SASH1: variants seen among roughly 807,000 people sequenced by gnomAD.
The protein encoded by SASH1 is SAM and SH3 domain-containing protein 1.
A neutral mutation model predicts 125.2 loss-of-function variants in SASH1; 44 were observed. That is an observed-to-expected ratio of 0.35 (90% CI 0.28 to 0.45). The LOEUF (loss-of-function observed/expected upper bound fraction) is 0.45, where lower values mean the gene tolerates loss of function less well. SASH1 is among the 20% of genes least tolerant of loss of function. The probability of loss-of-function intolerance (pLI) is 1.00; values close to 1 mark genes in which losing one functional copy is unlikely to be tolerated. For missense variants in SASH1, 1,426 were observed against 1,614.5 expected (o/e 0.88, Z 2.00); for synonymous variants, 639 against 649.1 (o/e 0.98, Z 0.24).
intron 2 of SASH1, among the ~76,000 whole-genome samples, chr6:148,395,585 T>C (rs978045332): frequency 3.3e-5 from 5 of 152,216 alleles, no homozygotes; most frequent in South Asian, 2.1e-4. Flanking sequence ...TTTATAACTA[T>C]GGTGAGAGTT....
Position 148,544,549 on chromosome 6 carries a change from G to GCCAGCCCCA in SASH1, c.3087_3095dup (p.Thr1030_Pro1032dup), listed in dbSNP as rs1562503689. On this transcript the variant is annotated inframe_insertion, in exon 18 of 20. Transcript: ENST00000367467. The surrounding 1 kb of genome is among the most constrained non-coding windows in gnomAD (Gnocchi z 6.4). ...CCTGCCAGTGAAAAGGGGCAGCCCC[G>GCCAGCCCCA]CCAGCCCCACCAGCCCTAGCGACTG... The GCCAGCCCCA allele has an allele frequency of 1.2e-6, 2 of 1,612,886 alleles. No individual in the cohort carries two copies. Among genetic ancestry groups the GCCAGCCCCA allele is most frequent in the East Asian group, 4.5e-5 (2 of 44,866 alleles).
At chr6:148,350,840 AT>A (rs1238567239) in intron 1 of SASH1, among the ~76,000 whole-genome samples, 1 of 152,246 alleles carries the variant, frequency 6.6e-6, no homozygotes, top group Non-Finnish European at 1.5e-5. Flanking sequence ...GATAAAATGT[AT>A]TTTTTGAGTA....
rs1554254949 is a variant in SASH1 at position 148,421,146 on chromosome 6, G to GAAGGAAGGAAGGAAGGAAGGAAGAA, written c.286-19035_286-19034insGAAGGAAGGAAGGAAGGAAGAAAAG. On this transcript the variant is annotated intron_variant, in intron 2 of 19. Transcript: ENST00000367467. ...GGAAGAAAGGAAGGAAGGAAGGAAG[G>GAAGGAAGGAAGGAAGGAAGGAAGAA]AAGAAAGAAAGAAAGAAAGAAAGAA... Among the ~76,000 whole-genome samples the GAAGGAAGGAAGGAAGGAAGGAAGAA allele has an allele frequency of 7.1e-3, 507 of 71,246 alleles. 9 individuals carry two copies. Among genetic ancestry groups the GAAGGAAGGAAGGAAGGAAGGAAGAA allele is most frequent in the Middle Eastern group, 0.013 (2 of 150 alleles). The allele number at this position is 71,246 out of a possible 152,430, so 46.7% of individuals were successfully genotyped here.
intron 1 of SASH1, among the ~76,000 whole-genome samples, chr6:148,272,638 T>C (rs925627788): frequency 4.6e-5 from 7 of 152,160 alleles, no homozygotes; most frequent in African/African-American, 7.2e-5. Flanking sequence ...ATTATGTAGA[T>C]ATTTATTTTC....
chr6:148,463,235 C>T (rs941588358), intron 4 of SASH1, among the ~76,000 whole-genome samples: 5 of 151,958 alleles, frequency 3.3e-5, no homozygotes, highest in African/African-American at 4.8e-5. Flanking sequence ...ACCTCCACCT[C>T]CTGGGTTCAA....
In SASH1 at chr6:148,519,425, T is replaced by C. The variant is rs2115349732; in HGVS notation, c.863-122T>C. ...GTGTATTTTCATTTTTCTGTACATATGTAAGTGGGAGCTGGGTTTATAAAG... is the reference window on the plus strand; with the variant it reads ...GTGTATTTTCATTTTTCTGTACATACGTAAGTGGGAGCTGGGTTTATAAAG... On this transcript the variant is annotated intron_variant, in intron 9 of 19. Transcript: ENST00000367467. This position sits in a 1 kb window ranked among gnomAD's most constrained non-coding sequence, Gnocchi z 4.8. 1.5e-6 allele frequency: 1 copy of C among 677,146 alleles called. No individual in the cohort carries two copies. The highest frequency in any genetic ancestry group is 2.8e-5 in the Admixed American group (1 of 35,172). 41.9% of individuals were successfully genotyped at this position (677,146 alleles called of 1,614,324 possible).
the SASH1 span, among the ~76,000 whole-genome samples, chr6:148,199,772 AGAAAG>A: frequency 6.6e-6 from 1 of 151,116 alleles, no homozygotes; most frequent in African/African-American, 2.4e-5. Context: ...AGGAAGAAAA[AGAAAG>A]GAAGGAAGGA....
chr6:148,486,264 G>A (rs1049665301), intron 7 of SASH1, among the ~76,000 whole-genome samples: 29 of 152,112 alleles, frequency 1.9e-4, no homozygotes, highest in African/African-American at 6.0e-4. Context: ...GGGATTACAG[G>A]CATGTGCCAC....
chr6:148,420,872 G>A (rs779414687), intron 2 of SASH1, among the ~76,000 whole-genome samples: 1 of 151,966 alleles, frequency 6.6e-6, no homozygotes, highest in African/African-American at 2.4e-5. Context: ...TTTGAGGTCA[G>A]GAGTTCGAGA....
chr6:148,251,753 T>C, the SASH1 span, among the ~76,000 whole-genome samples: 749 of 151,994 alleles, frequency 4.9e-3, 33 homozygotes, highest in East Asian at 0.12. Context: ...TACATATGTA[T>C]ACATGTGCCA....
intron 9 of SASH1, among the ~76,000 whole-genome samples, 157 bp downstream of exon 9, chr6:148,514,613 G>A (rs1374913166): frequency 6.6e-6 from 1 of 152,158 alleles, no homozygotes; most frequent in Non-Finnish European, 1.5e-5. Flanking sequence ...ATGCCTGCCA[G>A]CAGAGTGATG....
At chr6:148,367,232 T>G (rs1782504432) in intron 1 of SASH1, among the ~76,000 whole-genome samples, 1 of 152,162 alleles carries the variant, frequency 6.6e-6, no homozygotes, top group African/African-American at 2.4e-5. Context: ...CCACAGTGTA[T>G]CTTTTTGTTA....
intron 17 of SASH1, among the ~76,000 whole-genome samples, chr6:148,540,844 A>G (rs1203846433): frequency 6.6e-6 from 1 of 152,116 alleles, no homozygotes; most frequent in Non-Finnish European, 1.5e-5. Context: ...GTTGGGAGCT[A>G]TTAGGTCCAT....
chr6:148,286,083 C>A (rs908902682), intron 1 of SASH1, among the ~76,000 whole-genome samples: 3 of 152,070 alleles, frequency 2.0e-5, no homozygotes, highest in Non-Finnish European at 4.4e-5. Flanking sequence ...ACATGCACAT[C>A]CACATAAAAT....
At chr6:148,496,219 A>C (rs1779305756) in intron 8 of SASH1, among the ~76,000 whole-genome samples, 1 of 152,182 alleles carries the variant, frequency 6.6e-6, no homozygotes, top group South Asian at 2.1e-4. Flanking sequence ...AATGGTGTTT[A>C]CTTTTTTTTC....
At chr6:148,361,610 A>G (rs1283320130) in intron 1 of SASH1, among the ~76,000 whole-genome samples, 2 of 152,076 alleles carry the variant, frequency 1.3e-5, no homozygotes, top group East Asian at 3.9e-4. Flanking sequence ...CAAAAAAAAA[A>G]AGGAAAGGGA....
chr6:148,219,806 G>A, the SASH1 span, among the ~76,000 whole-genome samples: 30 of 152,294 alleles, frequency 2.0e-4, no homozygotes, highest in African/African-American at 6.7e-4. Context: ...TAGACTTGCA[G>A]GCCTGGGTGT....
rs1004362754 is a variant in SASH1 at position 148,519,026 on chromosome 6, G to T, written c.863-521G>T. ...CATTTGCAAGATACAACGCTTTATA[G>T]TGTTTCTCCCCACCAAAACTTCCTT... is the stretch of plus-strand genomic sequence containing the variant. On this transcript the variant is annotated intron_variant, in intron 9 of 19. Coordinates refer to ENST00000367467, the MANE Select transcript of SASH1 (RefSeq NM_015278.5). The surrounding 1 kb of genome is among the most constrained non-coding windows in gnomAD (Gnocchi z 4.8). Among the ~76,000 whole-genome samples, 1 of 152,188 alleles carries T rather than the reference G, an allele frequency of 6.6e-6. No homozygotes were observed. The highest frequency in any genetic ancestry group is 1.9e-4 in the East Asian group (1 of 5,202).
chr6:148,521,044 A>G (rs1343231259), intron 10 of SASH1, among the ~76,000 whole-genome samples: 2 of 152,188 alleles, frequency 1.3e-5, no homozygotes, highest in Non-Finnish European at 2.9e-5. Context: ...GGAATAAAGT[A>G]CTCACTTTCA....
Sources: gnomAD v4.1 joint callset for allele counts (sites outside exome capture counted in the v4.1 genomes callset) on GRCh38, gnomAD v4.1.1 for gene constraint, Gnocchi (gnomAD v3.1) non-coding constraint, MANE v1.5 for transcripts, NCBI Gene and HGNC (gene_info 2026-07-23, HGNC 2026-07-21) for gene names.